NLGN1: variants seen among roughly 807,000 people sequenced by gnomAD.
NLGN1 encodes the protein neuroligin 1, also known as neuroligin-1.
In NLGN1, 12 loss-of-function variants were observed where a neutral mutation model predicts 65.5. The observed-to-expected ratio is 0.18, with a 90% CI of 0.12 to 0.30. The LOEUF (loss-of-function observed/expected upper bound fraction) is 0.30, where lower values mean the gene tolerates loss of function less well. Ranked by LOEUF, NLGN1 falls within the 10% of genes least tolerant of loss-of-function variation. NLGN1 has a pLI of 1.00. For missense variants in NLGN1, 750 were observed against 1,007.1 expected, an observed-to-expected ratio of 0.74 and a Z score of 3.46; for synonymous variants, 350 against 359.5, an observed-to-expected ratio of 0.97 and a Z score of 0.30.
At chr3:173,424,434 AACCTT>A in intron 1 of NLGN1, among the ~76,000 whole-genome samples, 1 of 152,296 alleles carries the variant, frequency 6.6e-6, no homozygotes, top group East Asian at 1.9e-4. Context: ...AAATTTTCCA[AACCTT>A]TATACTCTGC....
intron 4 of NLGN1, among the ~76,000 whole-genome samples, chr3:174,146,412 A>C (rs1723283093): frequency 6.6e-6 from 1 of 152,188 alleles, no homozygotes; most frequent in Non-Finnish European, 1.5e-5. Context: ...AATAAGATAA[A>C]GTATATAATC....
chr3:173,445,068 A>C (rs1165591143), intron 2 of NLGN1, among the ~76,000 whole-genome samples: 2 of 151,582 alleles, frequency 1.3e-5, no homozygotes, highest in African/African-American at 4.8e-5. Context: ...GGAGATCGAG[A>C]CCATCCCGGC....
chr3:173,461,667 A>G (rs1391753396), intron 2 of NLGN1, among the ~76,000 whole-genome samples: 2 of 149,478 alleles, frequency 1.3e-5, no homozygotes, highest in Non-Finnish European at 3.0e-5. Flanking sequence ...TAGTAAACAA[A>G]TATTATTGAA....
chr3:174,040,531 A>C (rs903728915), intron 4 of NLGN1, among the ~76,000 whole-genome samples: 3 of 152,192 alleles, frequency 2.0e-5, no homozygotes, highest in East Asian at 3.8e-4. Flanking sequence ...ACAAGAAAAA[A>C]ATTGATAAAC....
At position 174,258,745 on chromosome 3, in the gene NLGN1, A is replaced by G. The variant is rs114124789; in HGVS notation, c.647-16570A>G. Among the ~76,000 whole-genome samples the G allele has an allele frequency of 9.3e-3, 1,423 of 152,300 alleles. 29 individuals are homozygous for G. Among genetic ancestry groups the G allele is most frequent in the African/African-American group, 0.031 (1,300 of 41,574 alleles). On this transcript the variant is annotated intron_variant, in intron 4 of 6. Transcript: ENST00000457714. ...ACCTATATTCCTCAAAAAATGTCAA[A>G]GTCAAGAAAAATAAAGACCAACGAA...
chr3:173,940,050 T>A (rs960490196), intron 4 of NLGN1, among the ~76,000 whole-genome samples: 1 of 149,286 alleles, frequency 6.7e-6, no homozygotes, highest in Non-Finnish European at 1.5e-5. Flanking sequence ...AAAACTATTC[T>A]TTTTAAATTT....
intron 3 of NLGN1, among the ~76,000 whole-genome samples, chr3:173,728,415 C>T (rs543092552): frequency 3.3e-5 from 5 of 152,114 alleles, no homozygotes; most frequent in African/African-American, 1.2e-4. Context: ...GAGGTGACTA[C>T]CTCCTTTATA....
chr3:173,560,400 A>C (rs1346872911), intron 2 of NLGN1, among the ~76,000 whole-genome samples: 1 of 152,148 alleles, frequency 6.6e-6, no homozygotes. Context: ...GAAAAAGGGA[A>C]GAAGAGGAAG....
At chr3:174,023,622 T>C (rs574971543) in intron 4 of NLGN1, among the ~76,000 whole-genome samples, 81 of 152,272 alleles carry the variant, frequency 5.3e-4, no homozygotes, top group African/African-American at 1.9e-3. Flanking sequence ...GTCTGAGAAC[T>C]CCCTGAAGTG....
chr3:173,581,132 G>A (rs1180593187), intron 2 of NLGN1, among the ~76,000 whole-genome samples: 1 of 151,982 alleles, frequency 6.6e-6, no homozygotes, highest in Non-Finnish European at 1.5e-5. Context: ...ATTCAGAATA[G>A]TTGAAAATTG....
rs76306125 is a variant in NLGN1 at position 173,830,010 on chromosome 3, G to GTTT, written c.646+22178_646+22179insTTT. Among the ~76,000 whole-genome samples the GTTT allele has an allele frequency of 6.2e-3, 864 of 139,326 alleles. 14 individuals carry two copies. Among genetic ancestry groups the GTTT allele is most frequent in the African/African-American group, 0.023 (813 of 35,762 alleles). 91.4% of individuals were successfully genotyped at this position (139,326 alleles called of 152,430 possible). Reference sequence around the variant, plus strand: ...TATAGAATTACAGTGGGTAGTGTGGGGGGGGGAGGGAGAGAATAAAAAGAA... The same window carrying GTTT: ...TATAGAATTACAGTGGGTAGTGTGGGTTTGGGGGGAGGGAGAGAATAAAAAGAA... On this transcript the variant is annotated intron_variant, in intron 4 of 6. Transcript: ENST00000457714.
chr3:174,216,312 T>G (rs1002255151), intron 4 of NLGN1, among the ~76,000 whole-genome samples: 3 of 152,074 alleles, frequency 2.0e-5, no homozygotes, highest in Non-Finnish European at 4.4e-5. Flanking sequence ...TAGAGGGACA[T>G]AGGACTCCCC....
At chr3:173,811,423 G>A (rs1353082392) in intron 4 of NLGN1, among the ~76,000 whole-genome samples, 3 of 151,946 alleles carry the variant, frequency 2.0e-5, no homozygotes, top group Non-Finnish European at 4.4e-5. Flanking sequence ...AATCAGCTTG[G>A]CGTGGTGGTG....
At chr3:173,795,638 T>C (rs1444397497) in intron 3 of NLGN1, among the ~76,000 whole-genome samples, 1 of 152,136 alleles carries the variant, frequency 6.6e-6, no homozygotes, top group Non-Finnish European at 1.5e-5. Context: ...TGTGTTTTAA[T>C]GTTTGTCAGG....
intron 4 of NLGN1, among the ~76,000 whole-genome samples, chr3:174,102,791 T>C (rs1712836506): frequency 6.6e-6 from 1 of 152,072 alleles, no homozygotes; most frequent in Admixed American, 6.6e-5. Flanking sequence ...CCTGATCTAT[T>C]TGAGGATGGA....
intron 3 of NLGN1, chr3:173,685,638 G>A (rs1476304354): frequency 2.0e-6 from 2 of 984,868 alleles, no homozygotes; most frequent in East Asian, 1.1e-4. Flanking sequence ...TTAAGATGGT[G>A]AGCTCTAAGT....
chr3:173,761,310 A>G (rs1777933512), intron 3 of NLGN1, among the ~76,000 whole-genome samples: 1 of 152,002 alleles, frequency 6.6e-6, no homozygotes, highest in African/African-American at 2.4e-5. Context: ...TTTCTCTTCT[A>G]TTAAAGAAAG....
intron 3 of NLGN1, among the ~76,000 whole-genome samples, chr3:173,762,180 A>C (rs1778052903): frequency 6.6e-6 from 1 of 152,080 alleles, no homozygotes; most frequent in Admixed American, 6.6e-5. Context: ...CTCTCTTAAT[A>C]AGAAAGGAAA....
At chr3:174,120,995 C>T (rs1437977389) in intron 4 of NLGN1, among the ~76,000 whole-genome samples, 1 of 152,172 alleles carries the variant, frequency 6.6e-6, no homozygotes, top group Non-Finnish European at 1.5e-5. Flanking sequence ...GTTATGTTAG[C>T]CATTCACTCC....
Sources: gnomAD v4.1 joint callset for allele counts (sites outside exome capture counted in the v4.1 genomes callset) on GRCh38, gnomAD v4.1.1 for gene constraint, MANE v1.5 for transcripts, NCBI Gene and HGNC (gene_info 2026-07-23, HGNC 2026-07-21) for gene names.